Variants in PRR14L observed in about 807,000 individuals in gnomAD.
PRR14L encodes proline rich 14 like, also known as protein PRR14L.
In PRR14L, 80 loss-of-function variants were observed where a neutral mutation model predicts 155.0. The observed-to-expected ratio is 0.52, with a 90% CI of 0.43 to 0.62. PRR14L has a LOEUF of 0.62. Ranked by LOEUF, PRR14L falls within the 20% of genes least tolerant of loss-of-function variation. PRR14L has a pLI of 0.00. For missense variants in PRR14L, 2,469 were observed against 2,548.0 expected, an observed-to-expected ratio of 0.97 and a Z score of 0.67; for synonymous variants, 883 against 916.0, an observed-to-expected ratio of 0.96 and a Z score of 0.65.
chr22:31,719,341 C>T (rs186253116), intron 3 of PRR14L, among the ~76,000 whole-genome samples: 2 of 151,186 alleles, frequency 1.3e-5, no homozygotes, highest in Admixed American at 1.3e-4. Flanking sequence ...GAGCCCAGGA[C>T]GTCAAGGCTG....
rs771902267 is a variant in PRR14L, at chr22:31,706,428, C to CTTTTTTTTTTTTTTT, written c.5757-1703_5757-1702insAAAAAAAAAAAAAAA. Among the ~76,000 whole-genome samples the CTTTTTTTTTTTTTTT allele has an allele frequency of 2.6e-3, 372 of 142,132 alleles. 12 individuals carry two copies. Among genetic ancestry groups the CTTTTTTTTTTTTTTT allele is most frequent in the African/African-American group, 4.7e-3 (170 of 36,088 alleles). 93.2% of individuals were successfully genotyped at this position (142,132 alleles called of 152,430 possible). A position where few individuals can be genotyped will look rare whatever the true frequency, so the allele number is the denominator to read the frequency against. ...TAATTCCTTTATAATTAAACTCTTCCTTTTTCTTTTTTTTGAGACGGAGTC... is the reference window on the plus strand; with the variant it reads ...TAATTCCTTTATAATTAAACTCTTCCTTTTTTTTTTTTTTTTTTTTCTTTTTTTTGAGACGGAGTC... On this transcript the variant is annotated intron_variant, in intron 4 of 8. Coordinates refer to ENST00000327423, the MANE Select transcript of PRR14L (RefSeq NM_173566.3).
At chr22:31,700,883 C>G (rs1420899191) in intron 7 of PRR14L, among the ~76,000 whole-genome samples, 1 of 151,990 alleles carries the variant, frequency 6.6e-6, no homozygotes, top group Non-Finnish European at 1.5e-5. Flanking sequence ...GTTGGGAATT[C>G]TTATTCATAT....
chr22:31,713,053 T>G lies in PRR14L; in HGVS notation c.4786A>C (p.Thr1596Pro). 6.4e-7 allele frequency: 1 copy of G among 1,552,342 alleles called. No homozygotes were observed. The change falls in exon 4 of 9, where the codon ACA becomes CCA. Residue 1596 changes from threonine (T) to proline (P), a missense_variant. Transcript: ENST00000327423. The stretch of plus-strand genomic sequence containing the variant: ...AGGCTCCTCAAGGGATGGCACGGTG[T>G]AGACATCTGCTTTGGTATGTGACTA... ...LVSHIPKQMS[T>P]PCHPLRSLNF...
chr22:31,700,633 C>T (rs1454507668), intron 7 of PRR14L, among the ~76,000 whole-genome samples: 9 of 152,166 alleles, frequency 5.9e-5, no homozygotes, highest in Admixed American at 4.6e-4. Context: ...CTCGGCTCAC[C>T]GCAACCTCCG....
At chr22:31,741,993 G>A (rs947616686) in intron 1 of PRR14L, among the ~76,000 whole-genome samples, 1 of 152,250 alleles carries the variant, frequency 6.6e-6, no homozygotes, top group African/African-American at 2.4e-5. Context: ...TTATGTATGT[G>A]TAAGGTGGGG....
chr22:31,747,004 C>A (rs1159675262), intron 1 of PRR14L, among the ~76,000 whole-genome samples: 1 of 151,902 alleles, frequency 6.6e-6, no homozygotes, highest in African/African-American at 2.4e-5. Flanking sequence ...CGGGGTTTCA[C>A]TGAGTTAGCC....
At chr22:31,691,067 G>A (rs2074509302) in intron 7 of PRR14L, among the ~76,000 whole-genome samples, 1 of 151,390 alleles carries the variant, frequency 6.6e-6, no homozygotes, top group Non-Finnish European at 1.5e-5. Flanking sequence ...GGGTTCAAGC[G>A]ATTCTCCTCC....
intron 4 of PRR14L, among the ~76,000 whole-genome samples, chr22:31,710,998 AC>A (rs1330992179): frequency 6.6e-6 from 1 of 152,190 alleles, no homozygotes; most frequent in Non-Finnish European, 1.5e-5. Context: ...ATCTGGTGAT[AC>A]CTGTGTAATT....
At chr22:31,733,407 C>A (rs2074761570) in intron 2 of PRR14L, among the ~76,000 whole-genome samples, 1 of 149,496 alleles carries the variant, frequency 6.7e-6, no homozygotes, top group Admixed American at 6.8e-5. Context: ...GGGGTTCAAG[C>A]GATTCTCCCG....
intron 4 of PRR14L, among the ~76,000 whole-genome samples, chr22:31,710,624 T>C (rs1569498274): frequency 6.6e-6 from 1 of 151,984 alleles, no homozygotes; most frequent in Non-Finnish European, 1.5e-5. Context: ...GGCTAATTTT[T>C]TTTGTATTTT....
intron 3 of PRR14L, among the ~76,000 whole-genome samples, chr22:31,720,331 C>A (rs2074683112): frequency 6.6e-6 from 1 of 152,202 alleles, no homozygotes; most frequent in Non-Finnish European, 1.5e-5. Context: ...AGATACCAAT[C>A]ATTTACAAAA....
chr22:31,689,776 C>T (rs1233053681), intron 7 of PRR14L, among the ~76,000 whole-genome samples: 1 of 151,916 alleles, frequency 6.6e-6, no homozygotes, highest in South Asian at 2.1e-4. Flanking sequence ...GACAGAGTTT[C>T]GCTCTTTTTG....
In PRR14L at chr22:31,714,516, G is replaced by A; in HGVS notation, c.3323C>T (p.Thr1108Ile). ...RRELDAAHTG[T>I]TGQDSDFPVT... ...TGGGAAATCTGAATCCTGACCAGTT[G>A]TTCCTGTATGTGCAGCATCCAGTTC... The change falls in exon 4 of 9, where the codon ACA (threonine) becomes ATA (isoleucine). Residue 1108 changes from threonine to isoleucine, a missense_variant. Coordinates refer to ENST00000327423, the MANE Select transcript of PRR14L (RefSeq NM_173566.3). 2 of 1,552,128 alleles carry A rather than the reference G, an allele frequency of 1.3e-6. No individual in the cohort carries two copies. Among genetic ancestry groups the A allele is most frequent in the East Asian group, 2.4e-5 (1 of 40,928 alleles).
chr22:31,746,795 CTTTTTT>C (rs770907499), intron 1 of PRR14L, among the ~76,000 whole-genome samples: 1 of 131,272 alleles, frequency 7.6e-6, no homozygotes, highest in Non-Finnish European at 1.6e-5. Flanking sequence ...TCCCAGCAGT[CTTTTTT>C]TTTTTTTTTT....
rs1403702148 is a variant in PRR14L at position 31,713,695 on chromosome 22, T to A, written c.4144A>T (p.Ile1382Leu). The change falls in exon 4 of 9, where the codon ATA (isoleucine) becomes TTA (leucine). Residue 1382 changes from isoleucine (I) to leucine (L), a missense_variant. Coordinates refer to ENST00000327423, the MANE Select transcript of PRR14L (RefSeq NM_173566.3). The part of the protein sequence containing the change: ...ISQTHFKCRG[I>L]LNHAEKQQSP... ...TGCTGTTTTTCAGCATGATTAAGTA[T>A]CCCCCGGCATTTAAAATGGGTCTGA... is the stretch of plus-strand genomic sequence containing the variant. 6.4e-7 allele frequency: 1 copy of A among 1,552,206 alleles called. No homozygotes were observed. The highest frequency in any genetic ancestry group is 1.2e-5 in the South Asian group (1 of 84,058).
In PRR14L at chr22:31,715,817, T is replaced by A; in HGVS notation, c.2022A>T (p.Leu674Phe). ...CTGTTGCTAAAGGCATCTCTTTGTT[T>A]AAATGCAGTAGAGAGTCAGTTGGCA... ...ANLPTDSLLH[L>F]NKEMPLATGR... Residue 674 changes from leucine (L) to phenylalanine (F), a missense_variant, in exon 4 of 9, where the codon TTA becomes TTT. By Grantham distance (22) the Leu-to-Phe change is conservative (BLOSUM62 0). Transcript: ENST00000327423. The A allele has an allele frequency of 6.4e-7, 1 of 1,551,788 alleles. No individual in the cohort carries two copies. Among genetic ancestry groups the A allele is most frequent in the African/African-American group, 1.4e-5 (1 of 73,188 alleles).
At chr22:31,718,526 T>A (rs1451216536) in intron 3 of PRR14L, among the ~76,000 whole-genome samples, 1 of 139,642 alleles carries the variant, frequency 7.2e-6, no homozygotes, top group South Asian at 2.3e-4. Flanking sequence ...AGTGCTGGGA[T>A]TACAGGCGTG....
chr22:31,713,340 G>A lies in PRR14L; in HGVS notation c.4499C>T (p.Ser1500Phe), dbSNP rs2074634593. The A allele has an allele frequency of 1.3e-6, 2 of 1,552,164 alleles. No individual in the cohort carries two copies. Among genetic ancestry groups the A allele is most frequent in the Non-Finnish European group, 1.7e-6 (2 of 1,147,132 alleles). The change falls in exon 4 of 9, where the codon TCT becomes TTT. Residue 1500 changes from serine to phenylalanine, a missense_variant. By Grantham distance (155) the Ser-to-Phe change is radical (BLOSUM62 -2). Coordinates refer to ENST00000327423, the MANE Select transcript of PRR14L (RefSeq NM_173566.3). ...GAPRKAQDPS[S>F]AGCDQIHGAF... The stretch of plus-strand genomic sequence containing the variant: ...ACCATGTATTTGATCACACCCAGCA[G>A]AGGAGGGGTCTTGTGCTTTCCGAGG...
At chr22:31,702,305 C>G (rs757296709) in intron 6 of PRR14L, among the ~76,000 whole-genome samples, 3 of 152,174 alleles carry the variant, frequency 2.0e-5, no homozygotes, top group Admixed American at 2.0e-4. Context: ...TCACCGCAAC[C>G]TCTGCCTCCC....
Sources: allele counts gnomAD v4.1 joint callset (sites outside exome capture counted in the v4.1 genomes callset), GRCh38; gene constraint gnomAD v4.1.1; transcripts MANE v1.5; gene names NCBI Gene and HGNC (gene_info 2026-07-23, HGNC 2026-07-21).